The following C2CD3 variants were observed in gnomAD, a reference collection of about 807,000 sequenced individuals.
C2CD3 encodes the protein C2 domain containing 3 centriole elongation regulator, also known as C2 domain-containing protein 3.
C2CD3 carries 148 observed loss-of-function variants against 234.0 expected under a neutral mutation model. The observed-to-expected ratio is 0.63, with a 90% confidence interval of 0.55 to 0.72. C2CD3 has a LOEUF of 0.72. C2CD3 is among the 30% of genes least tolerant of loss of function. The pLI is 0.00. For synonymous variants in C2CD3, 1,000 were observed against 1,035.4 expected (o/e 0.97, Z 0.66); for missense variants, 2,577 against 2,811.5 (o/e 0.92, Z 1.89).
At chr11:74,155,898 T>C (rs551340088) in intron 3 of C2CD3, among the ~76,000 whole-genome samples, 2 of 152,172 alleles carry the variant, frequency 1.3e-5, no homozygotes, top group Non-Finnish European at 2.9e-5. Context: ...TCCAGCACTT[T>C]GGGAGGCTGA....
intron 27 of C2CD3, 94 bp from the exon 28 acceptor site, chr11:74,048,432 CATT>C (rs1208994296): frequency 6.2e-6 from 8 of 1,280,424 alleles, no homozygotes; most frequent in Non-Finnish European, 7.6e-6. Flanking sequence ...TTATTGTGTG[CATT>C]TAATTTACTG....
At chr11:74,028,005 T>G (rs1052485747) in intron 32 of C2CD3, among the ~76,000 whole-genome samples, 2 of 152,180 alleles carry the variant, frequency 1.3e-5, no homozygotes, top group African/African-American at 4.8e-5. Context: ...TCAATACACA[T>G]TTCTTAGCTG....
chr11:74,064,055 AC>A (rs1954384967), intron 24 of C2CD3, among the ~76,000 whole-genome samples: 1 of 141,766 alleles, frequency 7.1e-6, no homozygotes, highest in South Asian at 2.3e-4. Flanking sequence ...CCCCCGTCCC[AC>A]CCCACAACAG....
intron 8 of C2CD3, among the ~76,000 whole-genome samples, chr11:74,118,905 ATTTTTTT>A (rs1228553220): frequency 3.9e-5 from 5 of 127,932 alleles, no homozygotes; most frequent in African/African-American, 1.5e-4. Flanking sequence ...TGGATAGACT[ATTTTTTT>A]TTTTTTTTTT....
At chr11:74,084,734 T>C (rs1955562621) in intron 22 of C2CD3, 147 bp downstream of exon 22, 3 of 484,750 alleles carry the variant, frequency 6.2e-6, no homozygotes, top group Non-Finnish European at 7.5e-6. Context: ...CAAAAAACAT[T>C]TGAGGTATTG....
chr11:74,097,543 A>G (rs1956157995), intron 16 of C2CD3, among the ~76,000 whole-genome samples: 1 of 152,230 alleles, frequency 6.6e-6, no homozygotes, highest in Non-Finnish European at 1.5e-5. Flanking sequence ...GTTGTTAGGG[A>G]AATAAACATG....
chr11:74,074,349 C>T lies in C2CD3; in HGVS notation c.4855G>A (p.Ala1619Thr). ...STQVPCSSTT[A>T]EVRLTQEGPA... ...CCCTCCTGCGTCAGGCGGACTTCAG[C>T]TGTGGTGCTGCTGCAGGGGACCTGG... The change falls in exon 24 of 33, where the codon GCT (alanine) becomes ACT (threonine). Residue 1619 changes from alanine to threonine, a missense_variant. Coordinates refer to ENST00000334126, the MANE Select transcript of C2CD3 (RefSeq NM_001286577.2). 6.2e-7 allele frequency: 1 copy of T among 1,614,212 alleles called. No individual in the cohort carries two copies. Among genetic ancestry groups the T allele is most frequent in the African/African-American group, 1.3e-5 (1 of 75,062 alleles).
intron 29 of C2CD3, among the ~76,000 whole-genome samples, chr11:74,041,369 C>T (rs1219965278): frequency 2.0e-5 from 3 of 152,172 alleles, no homozygotes; most frequent in African/African-American, 7.2e-5. Context: ...TCTTTCTGCA[C>T]AAAATGTCCT....
rs78162749 is a variant in C2CD3 at position 74,153,334 on chromosome 11, C to T, written c.483+8065G>A. Among the ~76,000 whole-genome samples the T allele has an allele frequency of 3.0e-3, 456 of 152,260 alleles. 1 individual carries two copies. Among genetic ancestry groups the T allele is most frequent in the Middle Eastern group, 0.024 (7 of 292 alleles). ...ATATCTGTTCTCTATTCAACATATA[C>T]TGGAGATCTTAGTGTGATAAGGCAA... On this transcript the variant is annotated intron_variant, in intron 3 of 32. Transcript: ENST00000334126.
At position 74,109,060 on chromosome 11, in the gene C2CD3, A is replaced by C; in HGVS notation, c.1936T>G (p.Tyr646Asp). 1 of 1,603,188 alleles carries C rather than the reference A, an allele frequency of 6.2e-7. No homozygotes were observed. The highest frequency in any genetic ancestry group is 8.5e-7 in the Non-Finnish European group (1 of 1,172,536). Residue 646 changes from tyrosine to aspartate, a missense_variant, in exon 12 of 33, where the codon TAT becomes GAT. By Grantham distance (160) the Tyr-to-Asp change is radical (BLOSUM62 -3). Transcript: ENST00000334126. ...TTTTTCTGTGGAGTTTTCTTTACAT[A>C]AATTTGGAAAGTGAGGTTGGAATTC... ...WWNSNLTFQI[Y>D]VKKTPQKKPE...
intron 32 of C2CD3, among the ~76,000 whole-genome samples, chr11:74,022,956 C>T (rs186744185): frequency 2.0e-5 from 3 of 152,208 alleles, no homozygotes; most frequent in African/African-American, 4.8e-5. Context: ...GTGTGGCACT[C>T]GTTATTCTAC....
chr11:74,160,795 T>C (rs1856404209), intron 3 of C2CD3, among the ~76,000 whole-genome samples: 1 of 152,196 alleles, frequency 6.6e-6, no homozygotes, highest in Non-Finnish European at 1.5e-5. Flanking sequence ...GATATGCTAA[T>C]TACCCTGATT....
At chr11:74,022,598 T>C (rs1952136579) in intron 32 of C2CD3, among the ~76,000 whole-genome samples, 1 of 152,152 alleles carries the variant, frequency 6.6e-6, no homozygotes, top group Non-Finnish European at 1.5e-5. Flanking sequence ...GAAGACAACA[T>C]GTAAAGCAAA....
intron 7 of C2CD3, chr11:74,129,667 CG>C: frequency 5.9e-6 from 1 of 169,762 alleles, no homozygotes; most frequent in Non-Finnish European, 1.2e-5. Context: ...ACTTCCCAGA[CG>C]GGGTGGCGGC....
intron 20 of C2CD3, among the ~76,000 whole-genome samples, chr11:74,088,400 T>A (rs148331898): frequency 5.3e-5 from 8 of 152,310 alleles, no homozygotes; most frequent in African/African-American, 1.9e-4. Flanking sequence ...CTAGAACAGT[T>A]CTGTGTCCAT....
rs556427023 is a variant in C2CD3 at position 74,077,974 on chromosome 11, G to C, written c.4603+141C>G. 259 of 984,578 alleles carry C rather than the reference G, an allele frequency of 2.6e-4. 1 individual carries two copies. In the African/African-American group the frequency reaches 4.0e-3, roughly 15 times the overall value. The allele number at this position is 984,578 out of a possible 1,614,324, so 61.0% of individuals were successfully genotyped here. On this transcript the variant is annotated intron_variant, in intron 23 of 32. Transcript: ENST00000334126. ...AATCTCTCTGAGCCTCCTTTTTTATGAATGTAAAATGGGTATAATACCTAT... is the reference window on the plus strand; with the variant it reads ...AATCTCTCTGAGCCTCCTTTTTTATCAATGTAAAATGGGTATAATACCTAT...
chr11:74,170,830 C>T lies in C2CD3; in HGVS notation c.-38G>A. The T allele has an allele frequency of 1.9e-6, 3 of 1,614,058 alleles. No individual in the cohort carries two copies. The highest frequency in any genetic ancestry group is 2.5e-6 in the Non-Finnish European group (3 of 1,179,984). On this transcript the variant is annotated 5_prime_UTR_variant, in exon 1 of 33. Transcript: ENST00000334126. ...CTCTTCTTCACCAGCTCAACTCCGT[C>T]TCCAGCACCTAAGCAGTATCCTCCC...
chr11:74,078,242 G>A lies in C2CD3; in HGVS notation c.4476C>T (p.Ile1492=), dbSNP rs1955162503. The change falls in exon 23 of 33, where the codon ATC becomes ATT. Residue 1492 remains isoleucine (I), a synonymous_variant. Transcript: ENST00000334126. The stretch of plus-strand genomic sequence containing the variant: ...CATTGCCATAAGCTCGCCACACTTG[G>A]ATCTCTAGCCTCTCCTCCCTGAAGT... ...LWYFREERLE[I]QVWRAYGNDS... 1 of 1,613,964 alleles carries A rather than the reference G, an allele frequency of 6.2e-7. No individual in the cohort carries two copies. Among genetic ancestry groups the A allele is most frequent in the Admixed American group, 1.7e-5 (1 of 59,984 alleles).
chr11:74,168,484 CG>C lies in C2CD3; in HGVS notation c.184del (p.Arg62GlufsTer2). 1 of 1,614,178 alleles carries C rather than the reference CG, an allele frequency of 6.2e-7. No individual in the cohort carries two copies. The highest frequency in any genetic ancestry group is 8.5e-7 in the Non-Finnish European group (1 of 1,180,028). Reference protein sequence around the residue: ...IAKPPTCVLVRVRWWGETSDG... With the variant: ...IAKPPTCVLVXVRWWGETSDG... ...TGATGTTTCTCCCCACCATCTCACT[CG>C]GACAAGTACACAAGTGGGAGGCTTT... On this transcript the variant is annotated frameshift_variant, in exon 2 of 33. Coordinates refer to ENST00000334126, the MANE Select transcript of C2CD3 (RefSeq NM_001286577.2). LOFTEE classifies it high-confidence loss of function.
Sources: gnomAD v4.1 joint callset for allele counts (sites outside exome capture counted in the v4.1 genomes callset) on GRCh38, gnomAD v4.1.1 for gene constraint, MANE v1.5 for transcripts, NCBI Gene and HGNC (gene_info 2026-07-23, HGNC 2026-07-21) for gene names.